RORC: variants seen among roughly 807,000 people sequenced by gnomAD.
RORC encodes nuclear receptor ROR-gamma.
A neutral mutation model predicts 64.5 loss-of-function variants in RORC; 13 were observed. The ratio of observed to expected loss-of-function variants is 0.20; its 90% CI spans 0.13 to 0.32. The LOEUF (loss-of-function observed/expected upper bound fraction) is 0.32, where lower values mean the gene tolerates loss of function less well. RORC is among the 10% of genes least tolerant of loss of function. The pLI, the probability that RORC is intolerant of heterozygous loss-of-function variation, is 1.00. For missense variants in RORC, 468 were observed against 669.5 expected (o/e 0.70, Z 3.32); for synonymous variants, 277 against 259.3 (o/e 1.07, Z -0.65).
At chr1:151,812,852 C>G in intron 9 of RORC, 95 bp downstream of exon 9, 1 of 756,558 alleles carries the variant, frequency 1.3e-6, no homozygotes, top group Non-Finnish European at 2.2e-6. Context: ...AGCAATTTCC[C>G]AGATTTAACT....
chr1:151,822,153 G>A (rs1652017823), intron 2 of RORC, among the ~76,000 whole-genome samples: 1 of 151,678 alleles, frequency 6.6e-6, no homozygotes, highest in Non-Finnish European at 1.5e-5. Flanking sequence ...TCTCTGTCTC[G>A]ATCCCCACCG....
chr1:151,812,091 C>T (rs1651559094), intron 9 of RORC: 1 of 152,164 alleles, frequency 6.6e-6, no homozygotes, highest in African/African-American at 2.4e-5. Context: ...TATCCAGAGT[C>T]TTCCTATTAT....
At position 151,813,069 on chromosome 1, in the gene RORC, G is replaced by C; in HGVS notation, c.1175-12C>G. Reference sequence around the variant, plus strand: ...GAGCTCGCTGCAGCCTGATGGAGTGGAAATGAGAAAAGTGAGAGAGTGGCT... The same window carrying C: ...GAGCTCGCTGCAGCCTGATGGAGTGCAAATGAGAAAAGTGAGAGAGTGGCT... On this transcript the variant is annotated splice_polypyrimidine_tract_variant and intron_variant, in intron 8 of 10. Transcript: ENST00000318247. The C allele has an allele frequency of 6.3e-7, 1 of 1,598,448 alleles. No homozygotes were observed. The highest frequency in any genetic ancestry group is 8.6e-7 in the Non-Finnish European group (1 of 1,165,792).
rs1651700495 is a variant in RORC, at chr1:151,815,007, A to G, written c.717T>C (p.Pro239=). 1.9e-6 allele frequency: 3 copies of G among 1,614,198 alleles called. No individual in the cohort carries two copies. The highest frequency in any genetic ancestry group is 2.5e-6 in the Non-Finnish European group (3 of 1,180,026). ...CGLRFEEHRH[P]GLGELGQGPD... ...GGCCCTGTCCCAGTTCCCCAAGCCC[A>G]GGATGCCTGTGTTCCTCAAAACGAA... Residue 239 remains proline, a synonymous_variant, in exon 5 of 11, where the codon CCT becomes CCC. Transcript: ENST00000318247.
intron 2 of RORC, among the ~76,000 whole-genome samples, chr1:151,828,127 G>C (rs937223138): frequency 1.3e-5 from 2 of 152,140 alleles, no homozygotes; most frequent in African/African-American, 4.8e-5. Flanking sequence ...CCTCAGCCCT[G>C]GGCTGCCCAG....
At position 151,829,412 on chromosome 1, in the gene RORC, C is replaced by T. The variant is rs1227580281; in HGVS notation, c.70+17G>A. The T allele has an allele frequency of 6.5e-7, 1 of 1,538,042 alleles. No homozygotes were observed. The highest frequency in any genetic ancestry group is 8.7e-7 in the Non-Finnish European group (1 of 1,149,816). ...ATTATGCCCCAGCCATTTTCTTGCCCCGGACCCCCTACTCACAGGTGTGGG... is the reference window on the plus strand; with the variant it reads ...ATTATGCCCCAGCCATTTTCTTGCCTCGGACCCCCTACTCACAGGTGTGGG... On this transcript the variant is annotated intron_variant, in intron 2 of 10. Transcript: ENST00000318247.
chr1:151,813,501 C>T lies in RORC; in HGVS notation c.1053G>A (p.Val351=). The T allele has an allele frequency of 6.2e-7, 1 of 1,614,204 alleles. No homozygotes were observed. The highest frequency in any genetic ancestry group is 8.5e-7 in the Non-Finnish European group (1 of 1,180,036). The change falls in exon 7 of 11, where the codon GTG becomes GTA. Residue 351 remains valine (V), a synonymous_variant. Coordinates refer to ENST00000318247, the MANE Select transcript of RORC (RefSeq NM_005060.4). ...ATCCCTGGGCACCTGCTTTGAGAAG[C>T]ACAATCTGGTCATTCTGGCAGAGCT... ...FMELCQNDQI[V]LLKAGAMEVV... is the part of the protein sequence containing the mutation.
intron 3 of RORC, 65 bp from the exon 4 acceptor site, chr1:151,816,870 C>T (rs1651774565): frequency 7.0e-7 from 1 of 1,430,916 alleles, no homozygotes; most frequent in African/African-American, 1.4e-5. Flanking sequence ...TCACAAAGGC[C>T]TCCAGCCCAC....
chr1:151,829,401 AT>A, intron 2 of RORC, 27 bp downstream of exon 2: 1 of 1,537,816 alleles, frequency 6.5e-7, no homozygotes, highest in Non-Finnish European at 8.7e-7. Context: ...TGCCCCAGCC[AT>A]TTTCTTGCCC....
intron 4 of RORC, among the ~76,000 whole-genome samples, chr1:151,816,228 T>C (rs1412260539): frequency 1.3e-5 from 2 of 152,166 alleles, no homozygotes; most frequent in Non-Finnish European, 2.9e-5. Flanking sequence ...CTCTGGTTGT[T>C]CTCAGGCCAA....
chr1:151,819,726 G>A (rs2101665837), intron 2 of RORC, among the ~76,000 whole-genome samples: 1 of 152,228 alleles, frequency 6.6e-6, no homozygotes, highest in East Asian at 1.9e-4. Flanking sequence ...TTGACCCACT[G>A]CTTCTCCTGG....
At chr1:151,811,232 TC>T in intron 10 of RORC, 92 bp downstream of exon 10, 2 of 721,694 alleles carry the variant, frequency 2.8e-6, no homozygotes, top group Non-Finnish European at 4.8e-6. Flanking sequence ...CCGCACTCCC[TC>T]CTCTGTACCC....
At position 151,815,397 on chromosome 1, in the gene RORC, C is replaced by T. The variant is rs376651505; in HGVS notation, c.327G>A (p.Lys109=). ...DAVKFGRMSK[K]QRDSLHAEVQ... ...CTTCTGCATGCAGGCTGTCCCTCTG[C>T]TTCTTGGACATGCGGCCGAACTTGA... The change falls in exon 5 of 11, where the codon AAG becomes AAA. Residue 109 remains lysine, a synonymous_variant. Transcript: ENST00000318247. 3 of 1,536,750 alleles carry T rather than the reference C, an allele frequency of 2.0e-6. No individual in the cohort carries two copies. Among genetic ancestry groups the T allele is most frequent in the African/African-American group, 2.8e-5 (2 of 72,250 alleles).
At chr1:151,810,132 A>C (rs895936485) in intron 10 of RORC, among the ~76,000 whole-genome samples, 10 of 152,152 alleles carry the variant, frequency 6.6e-5, no homozygotes, top group African/African-American at 1.9e-4. Flanking sequence ...ATTGTACCCT[A>C]GTCCCACACC....
intron 2 of RORC, among the ~76,000 whole-genome samples, chr1:151,827,137 AC>A (rs1333145746): frequency 6.6e-6 from 1 of 152,230 alleles, no homozygotes; most frequent in African/African-American, 2.4e-5. Flanking sequence ...AAATAAAAAA[AC>A]TTTATGAAGT....
At chr1:151,824,329 C>T (rs959277870) in intron 2 of RORC, among the ~76,000 whole-genome samples, 5 of 152,284 alleles carry the variant, frequency 3.3e-5, no homozygotes, top group Admixed American at 2.6e-4. Flanking sequence ...TAATGGAGAG[C>T]TGGCCAAGTG....
At chr1:151,819,683 T>C (rs916810830) in intron 2 of RORC, among the ~76,000 whole-genome samples, 1 of 152,188 alleles carries the variant, frequency 6.6e-6, no homozygotes, top group Non-Finnish European at 1.5e-5. Flanking sequence ...GCTGACCACA[T>C]GGTGACCCCA....
chr1:151,825,247 C>CCA (rs529207584), intron 2 of RORC, among the ~76,000 whole-genome samples: 146 of 151,976 alleles, frequency 9.6e-4, no homozygotes, highest in Admixed American at 2.4e-3. Flanking sequence ...CCCTGGAGAA[C>CCA]CACACACACA....
At chr1:151,823,793 A>T (rs748497359) in intron 2 of RORC, among the ~76,000 whole-genome samples, 24 of 152,244 alleles carry the variant, frequency 1.6e-4, no homozygotes, top group Non-Finnish European at 3.2e-4. Flanking sequence ...GGTACACGCC[A>T]CCATGCCCAG....
Sources: allele counts gnomAD v4.1 joint callset (sites outside exome capture counted in the v4.1 genomes callset), GRCh38; gene constraint gnomAD v4.1.1; transcripts MANE v1.5; gene names NCBI Gene and HGNC (gene_info 2026-07-23, HGNC 2026-07-21).